The following NASP variants were observed in gnomAD, a reference collection of about 807,000 sequenced individuals.
NASP encodes the protein nuclear autoantigenic sperm protein.
In NASP, 24 loss-of-function variants were observed where a neutral mutation model predicts 89.5. The observed-to-expected ratio is 0.27, with a 90% confidence interval of 0.19 to 0.38. The LOEUF (loss-of-function observed/expected upper bound fraction) is 0.38. Among genes scored for constraint, NASP ranks in the 10% least tolerant of loss-of-function variants. The pLI, the probability that NASP is intolerant of heterozygous loss-of-function variation, is 1.00. For missense variants in NASP, 848 were observed against 921.4 expected, an observed-to-expected ratio of 0.92 and a Z score of 1.03; for synonymous variants, 306 against 324.7, an observed-to-expected ratio of 0.94 and a Z score of 0.62.
chr1:45,595,813 T>A (rs1035999433), intron 2 of NASP, among the ~76,000 whole-genome samples: 3 of 152,250 alleles, frequency 2.0e-5, no homozygotes, highest in African/African-American at 7.2e-5. Context: ...CTACATGGTT[T>A]TAAGGTAACC....
intron 2 of NASP, among the ~76,000 whole-genome samples, chr1:45,595,355 C>T (rs531172187): frequency 1.3e-5 from 2 of 152,024 alleles, no homozygotes; most frequent in South Asian, 2.1e-4. Context: ...ACACCATACC[C>T]GTCATCTTGC....
chr1:45,590,403 G>A (rs1409190006), intron 1 of NASP, among the ~76,000 whole-genome samples: 7 of 151,504 alleles, frequency 4.6e-5, no homozygotes, highest in African/African-American at 1.7e-4. Flanking sequence ...AATTAGCCGG[G>A]CATGGTGGCC....
At chr1:45,586,165 G>A (rs1049958180) in intron 1 of NASP, among the ~76,000 whole-genome samples, 6 of 151,892 alleles carry the variant, frequency 4.0e-5, no homozygotes, top group Admixed American at 3.3e-4. Context: ...GTGTGGGGGT[G>A]GGGGGGCAGG....
At position 45,598,490 on chromosome 1, in the gene NASP, G is replaced by A. The variant is rs78199791; in HGVS notation, c.108-3765G>A. On this transcript the variant is annotated intron_variant, in intron 2 of 14. Transcript: ENST00000350030. ...TTCCTTGTCGTCCCTACCTCTAAAT[G>A]TTGGAAGGCTCCCAGGGCTCAGTCA... Among the ~76,000 whole-genome samples the A allele has an allele frequency of 5.5e-4, 84 of 152,158 alleles. No homozygotes were observed. In the East Asian group the frequency reaches 0.013, roughly 23 times the overall value.
intron 1 of NASP, 146 bp downstream of exon 1, chr1:45,584,351 T>C: frequency 1.4e-6 from 1 of 716,062 alleles, no homozygotes; most frequent in South Asian, 1.9e-5. Context: ...GCCTGGTCAC[T>C]GGAGCAGTCC....
intron 2 of NASP, among the ~76,000 whole-genome samples, chr1:45,599,951 G>GTTTTTTTT (rs1375366938): frequency 7.6e-4 from 77 of 101,918 alleles, no homozygotes; most frequent in African/African-American, 3.2e-3. Context: ...CTTTTCCTCT[G>GTTTTTTTT]TATTTTTTTT....
intron 1 of NASP, among the ~76,000 whole-genome samples, chr1:45,590,852 C>T (rs1036948895): frequency 2.6e-5 from 4 of 152,008 alleles, no homozygotes; most frequent in Non-Finnish European, 4.4e-5. Context: ...TCAGAATGAC[C>T]TCTTAATAAA....
chr1:45,608,393 CTAAT>C (rs1255586152), intron 6 of NASP, 56 bp downstream of exon 6: 3 of 1,520,152 alleles, frequency 2.0e-6, no homozygotes, highest in African/African-American at 1.4e-5. Context: ...ATTTGACTCA[CTAAT>C]TATGGGTAAA....
chr1:45,616,428 TAA>T, intron 12 of NASP, 35 bp downstream of exon 12: 1 of 1,602,228 alleles, frequency 6.2e-7, no homozygotes. Context: ...TCACTTACAT[TAA>T]GTCTCAGTGT....
At chr1:45,600,176 C>G (rs909958060) in intron 2 of NASP, among the ~76,000 whole-genome samples, 2 of 152,090 alleles carry the variant, frequency 1.3e-5, no homozygotes, top group African/African-American at 4.8e-5. Context: ...GACTCTTGCT[C>G]TTTTGACCCA....
At chr1:45,598,135 T>G (rs147131629) in intron 2 of NASP, among the ~76,000 whole-genome samples, 3 of 152,196 alleles carry the variant, frequency 2.0e-5, no homozygotes, top group Non-Finnish European at 4.4e-5. Context: ...GAGTTAATCT[T>G]GTCAGTAACA....
intron 3 of NASP, among the ~76,000 whole-genome samples, chr1:45,603,647 T>C (rs150180710): frequency 1.9e-3 from 293 of 151,374 alleles, no homozygotes; most frequent in African/African-American, 6.9e-3. Flanking sequence ...TTCGCTCTTG[T>C]TGCCCTGGCT....
chr1:45,616,272 G>A, intron 11 of NASP, 65 bp from the exon 12 acceptor site: 1 of 1,452,402 alleles, frequency 6.9e-7, no homozygotes, highest in East Asian at 2.3e-5. Context: ...ATGGGTTCCT[G>A]TTACAAGGCT....
chr1:45,600,403 C>T (rs1194051033), intron 2 of NASP: 1 of 1,292,440 alleles, frequency 7.7e-7, no homozygotes, highest in Non-Finnish European at 1.0e-6. Flanking sequence ...AATCTGCTTT[C>T]TGTCACTGAA....
chr1:45,606,952 T>C (rs1395669437), intron 5 of NASP, among the ~76,000 whole-genome samples: 2 of 152,196 alleles, frequency 1.3e-5, no homozygotes, highest in East Asian at 3.8e-4. Context: ...TAGCAGTACT[T>C]TTAGAGCCCT....
chr1:45,597,067 T>G (rs1643716440), intron 2 of NASP, among the ~76,000 whole-genome samples: 1 of 152,198 alleles, frequency 6.6e-6, no homozygotes, highest in Non-Finnish European at 1.5e-5. Flanking sequence ...CCCAGCACTT[T>G]GGGAGGCCAA....
At chr1:45,616,817 G>T in intron 13 of NASP, 114 bp downstream of exon 13, 1 of 1,025,000 alleles carries the variant, frequency 9.8e-7, no homozygotes, top group Non-Finnish European at 1.5e-6. Context: ...TTTTCCAAAG[G>T]TGGTAAGGAT....
intron 2 of NASP, among the ~76,000 whole-genome samples, chr1:45,599,041 C>A (rs1269911186): frequency 5.3e-5 from 8 of 152,128 alleles, no homozygotes; most frequent in Non-Finnish European, 1.2e-4. Context: ...CAGAATCTAA[C>A]CCTCTCTAAT....
At chr1:45,585,762 A>G (rs1418801408) in intron 1 of NASP, among the ~76,000 whole-genome samples, 2 of 152,144 alleles carry the variant, frequency 1.3e-5, no homozygotes, top group Non-Finnish European at 2.9e-5. Flanking sequence ...TCCTGGGCAC[A>G]ACTGATCTTC....
Sources: gnomAD v4.1 joint callset for allele counts (sites outside exome capture counted in the v4.1 genomes callset) on GRCh38, gnomAD v4.1.1 for gene constraint, MANE v1.5 for transcripts, NCBI Gene and HGNC (gene_info 2026-07-23, HGNC 2026-07-21) for gene names.